The following EI24 variants were observed in gnomAD, a reference collection of about 807,000 sequenced individuals.
EI24 encodes the protein EI24 autophagy associated transmembrane protein, also known as etoposide-induced protein 2.4 homolog.
In EI24, 21 loss-of-function variants were observed where a neutral mutation model predicts 48.6. The observed-to-expected ratio is 0.43, with a 90% confidence interval of 0.31 to 0.62. EI24 has a LOEUF of 0.62. Ranked by LOEUF, EI24 falls within the 20% of genes least tolerant of loss-of-function variation. The pLI, the probability that EI24 is intolerant of heterozygous loss-of-function variation, is 0.10. For missense variants in EI24, 280 were observed against 410.5 expected (o/e 0.68, Z 2.75); for synonymous variants, 114 against 145.5 (o/e 0.78, Z 1.56).
At chr11:125,581,408 G>T (rs78553920) in intron 9 of EI24, 86 bp downstream of exon 9, 5 of 751,402 alleles carry the variant, frequency 6.7e-6, no homozygotes, top group African/African-American at 1.7e-5. Flanking sequence ...GTTCTGTTTC[G>T]CATTCTACAT....
At chr11:125,578,045 CAG>C in intron 5 of EI24, 86 bp from the exon 6 acceptor site, 3 of 1,506,638 alleles carry the variant, frequency 2.0e-6, no homozygotes, top group East Asian at 2.3e-5. Context: ...CAGGAGGAGA[CAG>C]AGAATAGTCA....
chr11:125,581,437 A>G, intron 9 of EI24, 115 bp downstream of exon 9: 1 of 516,718 alleles, frequency 1.9e-6, no homozygotes, highest in Non-Finnish European at 3.5e-6. Context: ...GTCCATCAGG[A>G]GACCTGCAGG....
At chr11:125,578,072 C>T (rs1402275987) in intron 5 of EI24, 61 bp from the exon 6 acceptor site, 17 of 1,603,810 alleles carry the variant, frequency 1.1e-5, no homozygotes, top group African/African-American at 5.4e-5. Flanking sequence ...ATGGGGGTTC[C>T]GCATTTGGTC....
At chr11:125,575,810 C>A (rs866000099) in intron 3 of EI24, 4 of 242,342 alleles carry the variant, frequency 1.7e-5, no homozygotes, top group African/African-American at 3.0e-5. Context: ...GAGACGGATT[C>A]TTGCCCTGTC....
rs71045107 is a variant in EI24, at chr11:125,582,325, CTT to C, written c.786-8_786-7del. 1,956 of 1,323,560 alleles carry C rather than the reference CTT, an allele frequency of 1.5e-3. No homozygotes were observed. Among genetic ancestry groups the C allele is most frequent in the Admixed American group, 3.6e-3 (145 of 40,222 alleles). 82.0% of individuals were successfully genotyped at this position (1,323,560 alleles called of 1,614,324 possible). Reference sequence around the variant, plus strand: ...CTGTTATGAAGGTGACTAATTATTTCTTTTTTTTTTTTTTAAACAGTGGCTGC... The same window carrying C: ...CTGTTATGAAGGTGACTAATTATTTCTTTTTTTTTTTTAAACAGTGGCTGC... On this transcript the variant is annotated intron_variant, in intron 9 of 10. Transcript: ENST00000278903.
chr11:125,572,144 G>C (rs1328701969), intron 1 of EI24, among the ~76,000 whole-genome samples: 1 of 152,176 alleles, frequency 6.6e-6, no homozygotes, highest in Non-Finnish European at 1.5e-5. Context: ...AGGAGGGATA[G>C]TTAGGGGCAT....
chr11:125,580,739 T>G (rs1938956217), intron 8 of EI24: 1 of 156,418 alleles, frequency 6.4e-6, no homozygotes, highest in African/African-American at 2.4e-5. Flanking sequence ...ATGCTTTATA[T>G]CAGATTTGTA....
chr11:125,578,299 T>C (rs767410233), intron 6 of EI24, 42 bp downstream of exon 6: 21 of 1,612,184 alleles, frequency 1.3e-5, no homozygotes, highest in East Asian at 8.9e-5. Flanking sequence ...CGCAGCATGA[T>C]TGGCTGACAG....
chr11:125,584,251 A>T lies in EI24; in HGVS notation c.*568A>T, dbSNP rs1255324106. 1 of 149,886 alleles carries T rather than the reference A, an allele frequency of 6.7e-6. No homozygotes were observed. Among genetic ancestry groups the T allele is most frequent in the Non-Finnish European group, 1.5e-5 (1 of 67,500 alleles). 9.3% of individuals were successfully genotyped at this position (149,886 alleles called of 1,614,324 possible). A position where few individuals can be genotyped will look rare whatever the true frequency, so the allele number is the denominator to read the frequency against. On this transcript the variant is annotated 3_prime_UTR_variant, in exon 11 of 11. Coordinates refer to ENST00000278903, the MANE Select transcript of EI24 (RefSeq NM_004879.5). ...CTGCAAAAAAAAAAAAAAAAAAAAA[A>T]AAAAAAAAAAAGCCTGAAGAGATGA...
At chr11:125,579,881 C>CT (rs904447987) in intron 7 of EI24, among the ~76,000 whole-genome samples, 10 of 152,044 alleles carry the variant, frequency 6.6e-5, no homozygotes, top group African/African-American at 2.4e-4. Context: ...CCAGTCTGGT[C>CT]TTTAACTCTT....
chr11:125,577,882 C>T, intron 5 of EI24: 1 of 582,236 alleles, frequency 1.7e-6, no homozygotes, highest in Non-Finnish European at 3.0e-6. Context: ...ATCACTGTGG[C>T]ATCTCGTTAC....
rs556106838 is a variant in EI24 at position 125,576,616 on chromosome 11, C to T, written c.249+301C>T. Among the ~76,000 whole-genome samples, 218 of 152,310 alleles carry T rather than the reference C, an allele frequency of 1.4e-3. 1 individual carries two copies. Among genetic ancestry groups the T allele is most frequent in the African/African-American group, 5.1e-3 (213 of 41,574 alleles). ...GACACTGTCTAGACATTTTAAAATG[C>T]TAACAGCAACTATGGGGACTCGGGA... On this transcript the variant is annotated intron_variant, in intron 4 of 10. Transcript: ENST00000278903.
At position 125,575,275 on chromosome 11, in the gene EI24, T is replaced by G. The variant is rs754468044; in HGVS notation, c.55T>G (p.Ser19Ala). Residue 19 changes from serine (S) to alanine (A), a missense_variant, in exon 3 of 11, where the codon TCC becomes GCC. Physicochemically the swap from Ser to Ala is moderately conservative, Grantham distance 99. This residue lies in a region of EI24 where 204 missense variants were observed against 294.1 expected (regional missense o/e 0.69). Transcript: ENST00000278903. Reference protein sequence around the residue: ...LQDLARGIKDSIWGICTISKL... With the variant: ...LQDLARGIKDAIWGICTISKL... Reference sequence around the variant, plus strand: ...GCCTTTTCTATAGGGAATCAAAGACTCCATCTGGGGTATTTGTACCATCTC... The same window carrying G: ...GCCTTTTCTATAGGGAATCAAAGACGCCATCTGGGGTATTTGTACCATCTC... The G allele has an allele frequency of 2.6e-6, 4 of 1,548,286 alleles. No individual in the cohort carries two copies. The highest frequency in any genetic ancestry group is 3.5e-6 in the Non-Finnish European group (4 of 1,145,054).
chr11:125,575,245 T>C lies in EI24; in HGVS notation c.43-18T>C, dbSNP rs1463612976. 9 of 1,529,194 alleles carry C rather than the reference T, an allele frequency of 5.9e-6. No individual in the cohort carries two copies. In the Admixed American group the frequency reaches 1.6e-4, roughly 27 times the overall value. 94.7% of individuals were successfully genotyped at this position (1,529,194 alleles called of 1,614,324 possible). ...CTGTCTCAAATAATAATAATAATAA[T>C]GATAGCCTTTTCTATAGGGAATCAA... On this transcript the variant is annotated intron_variant, in intron 2 of 10. Coordinates refer to ENST00000278903, the MANE Select transcript of EI24 (RefSeq NM_004879.5).
intron 1 of EI24, among the ~76,000 whole-genome samples, chr11:125,571,100 C>T (rs1022710737): frequency 6.6e-6 from 1 of 152,198 alleles, no homozygotes; most frequent in African/African-American, 2.4e-5. Context: ...CCTGCTCTTC[C>T]AGTTCTGAAT....
Position 125,580,184 on chromosome 11 carries a change from A to C in EI24, c.653A>C (p.Glu218Ala), listed in dbSNP as rs1431176371. The C allele has an allele frequency of 6.2e-7, 1 of 1,612,930 alleles. No individual in the cohort carries two copies. Among genetic ancestry groups the C allele is most frequent in the Non-Finnish European group, 8.5e-7 (1 of 1,179,080 alleles). ...MSLLYSLYCF[E>A]YRWFNKGIEM... is the part of the protein sequence containing the mutation. ...CTTCTCTACTCACTGTACTGCTTTG[A>C]ATATCGTTGGTTCAATAAAGGTAAG... Residue 218 changes from glutamate to alanine, a missense_variant, in exon 8 of 11, where the codon GAA becomes GCA. Glu to Ala is a moderately radical substitution (Grantham distance 107). This residue lies in a region of EI24 where 204 missense variants were observed against 294.1 expected (regional missense o/e 0.69). Coordinates refer to ENST00000278903, the MANE Select transcript of EI24 (RefSeq NM_004879.5).
intron 5 of EI24, 138 bp downstream of exon 5, chr11:125,577,708 A>T (rs1938807448): frequency 2.7e-6 from 2 of 740,446 alleles, no homozygotes; most frequent in East Asian, 2.7e-5. Flanking sequence ...TATTCTTTTT[A>T]AAAATTTATA....
chr11:125,577,950 AT>A, intron 5 of EI24, 182 bp from the exon 6 acceptor site: 1 of 682,050 alleles, frequency 1.5e-6, no homozygotes, highest in Non-Finnish European at 2.4e-6. Context: ...TTGAATTGGA[AT>A]TGTGGCCAGA....
Position 125,583,837 on chromosome 11 carries a change from C to T in EI24, c.*154C>T. The stretch of plus-strand genomic sequence containing the variant: ...CTCTGAGGAATTGAAATTTTTGTCT[C>T]TGGTGCACGTAAGGCAGAATGTTCC... On this transcript the variant is annotated 3_prime_UTR_variant, in exon 11 of 11. Coordinates refer to ENST00000278903, the MANE Select transcript of EI24 (RefSeq NM_004879.5). 2 of 1,018,506 alleles carry T rather than the reference C, an allele frequency of 2.0e-6. No individual in the cohort carries two copies. Among genetic ancestry groups the T allele is most frequent in the Non-Finnish European group, 1.4e-6 (1 of 700,930 alleles). The allele number at this position is 1,018,506 out of a possible 1,614,324, so 63.1% of individuals were successfully genotyped here.
Sources: allele counts gnomAD v4.1 joint callset (sites outside exome capture counted in the v4.1 genomes callset), GRCh38; gene constraint gnomAD v4.1.1; regional missense constraint gnomAD v4.1.1; transcripts MANE v1.5; gene names NCBI Gene and HGNC (gene_info 2026-07-23, HGNC 2026-07-21).